TBCK: variants seen among roughly 807,000 people sequenced by gnomAD.
TBCK encodes TBC1 domain containing kinase.
Under a neutral mutation model 113.4 loss-of-function variants are expected in TBCK, and 99 were observed. The observed-to-expected ratio is 0.87, with a 90% CI of 0.74 to 1.03. The LOEUF is 1.03. TBCK is among the 50% of genes least tolerant of loss of function. The pLI is 0.00. For synonymous variants in TBCK, 369 were observed against 370.8 expected, an observed-to-expected ratio of 1.00 and a Z score of 0.05; for missense variants, 1,045 against 1,061.3, an observed-to-expected ratio of 0.98 and a Z score of 0.21.
rs1210203238 is a variant in TBCK, at chr4:106,043,739, G to C, written c.*2831C>G. The C allele has an allele frequency of 8.7e-6, 1 of 114,886 alleles. No individual in the cohort carries two copies. The highest frequency in any genetic ancestry group is 2.6e-4 in the East Asian group (1 of 3,808). The allele number at this position is 114,886 out of a possible 1,614,324, so 7.1% of individuals were successfully genotyped here. A position where few individuals can be genotyped will look rare whatever the true frequency, so the allele number is the denominator to read the frequency against. On this transcript the variant is annotated 3_prime_UTR_variant, in exon 26 of 26. Coordinates refer to ENST00000394708, the MANE Select transcript of TBCK (RefSeq NM_001163435.3). Reference sequence around the variant, plus strand: ...AATAAGTGTGTTTATGAATGTGAGTGTGTGTGTGTGTGTGTGTGTATGTAT... The same window carrying C: ...AATAAGTGTGTTTATGAATGTGAGTCTGTGTGTGTGTGTGTGTGTATGTAT...
chr4:106,287,521 G>C (rs1279877311), intron 3 of TBCK, among the ~76,000 whole-genome samples: 1 of 152,144 alleles, frequency 6.6e-6, no homozygotes, highest in Non-Finnish European at 1.5e-5. Flanking sequence ...ACAGTTAATG[G>C]CTGACCTGTG....
intron 25 of TBCK, among the ~76,000 whole-genome samples, chr4:106,067,982 A>C (rs1736849609): frequency 6.6e-6 from 1 of 152,100 alleles, no homozygotes; most frequent in Non-Finnish European, 1.5e-5. Flanking sequence ...CTAGAAATTT[A>C]ATATGAATTT....
At chr4:106,243,302 C>G (rs1240730540) in intron 11 of TBCK, among the ~76,000 whole-genome samples, 1 of 151,870 alleles carries the variant, frequency 6.6e-6, no homozygotes, top group Non-Finnish European at 1.5e-5. Context: ...TCAATGTGTT[C>G]CCAAGAAACT....
At chr4:106,056,189 CTCT>C (rs965838532) in intron 25 of TBCK, among the ~76,000 whole-genome samples, 5 of 151,310 alleles carry the variant, frequency 3.3e-5, no homozygotes, top group African/African-American at 1.2e-4. Flanking sequence ...CGTTATTCTT[CTCT>C]TCTCTATCTC....
chr4:106,256,185 C>A (rs1348041085), intron 5 of TBCK, among the ~76,000 whole-genome samples: 1 of 152,144 alleles, frequency 6.6e-6, no homozygotes, highest in Non-Finnish European at 1.5e-5. Context: ...GTCCACGGGA[C>A]CTGCAGCCCA....
Position 106,273,460 on chromosome 4 carries a change from T to C in TBCK, c.267-11248A>G, listed in dbSNP as rs147445632. 3.6e-3 allele frequency among the ~76,000 whole-genome samples: 551 copies of C among 152,358 alleles called. 1 individual carries two copies. The highest frequency in any genetic ancestry group is 5.5e-3 in the Non-Finnish European group (372 of 68,030). On this transcript the variant is annotated intron_variant, in intron 3 of 25. Transcript: ENST00000394708. ...ATTTTTAGAGTATGTATCTTTTGTT[T>C]ATTTGCTGGTTAGCTTGTCTGAAAG...
intron 25 of TBCK, among the ~76,000 whole-genome samples, chr4:106,053,320 A>G (rs892230751): frequency 6.6e-6 from 1 of 151,720 alleles, no homozygotes; most frequent in African/African-American, 2.4e-5. Context: ...TCTTATTAAG[A>G]CTGGCAGTAA....
chr4:106,150,149 G>A (rs1748310765), intron 23 of TBCK, among the ~76,000 whole-genome samples: 1 of 152,154 alleles, frequency 6.6e-6, no homozygotes, highest in African/African-American at 2.4e-5. Context: ...AGAGTGAGTA[G>A]GCTGAGATTG....
At position 106,046,597 on chromosome 4, in the gene TBCK, G is replaced by A. The variant is rs1273664767; in HGVS notation, c.2655C>T (p.Leu885=). 2.5e-6 allele frequency: 4 copies of A among 1,608,718 alleles called. No individual in the cohort carries two copies. In the South Asian group the frequency reaches 3.3e-5, roughly 13 times the overall value. Residue 885 remains leucine, a synonymous_variant, in exon 26 of 26, where the codon CTC becomes CTT. Transcript: ENST00000394708. The part of the protein sequence containing the change: ...GGINKIKPTG[L]LTIPSPQI ...ATATTTGAGGAGATGGGATGGTGAG[G>A]AGGCCTGTTGGCTTTATTTTATTAA...
intron 24 of TBCK, among the ~76,000 whole-genome samples, chr4:106,106,503 G>GA (rs940515094): frequency 4.6e-5 from 7 of 151,698 alleles, no homozygotes; most frequent in Non-Finnish European, 8.8e-5. Flanking sequence ...TGTTCTGAAA[G>GA]AAAAAAAATC....
At chr4:106,051,189 A>C (rs1391011939) in intron 25 of TBCK, among the ~76,000 whole-genome samples, 1 of 151,926 alleles carries the variant, frequency 6.6e-6, no homozygotes, top group African/African-American at 2.4e-5. Flanking sequence ...GAACAGAATC[A>C]TGTCTCTCAC....
rs1181979310 is a variant in TBCK, at chr4:106,231,744, T to A, written c.1675A>T (p.Asn559Tyr). The part of the protein sequence containing the change: ...DSLCAPFLYL[N>Y]FNNEALAYAC... ...AGAGGCTTACCTTCATTATTGAAGT[T>A]TAGATATAGGAATGGAGCACAAAGT... is the stretch of plus-strand genomic sequence containing the variant. Residue 559 changes from asparagine (N) to tyrosine (Y), a missense_variant, in exon 18 of 26, where the codon AAC (asparagine) becomes TAC (tyrosine). Asn to Tyr is a moderately radical substitution (Grantham distance 143). Transcript: ENST00000394708. 3.1e-6 allele frequency: 5 copies of A among 1,609,362 alleles called. No homozygotes were observed. Among genetic ancestry groups the A allele is most frequent in the Non-Finnish European group, 4.2e-6 (5 of 1,177,684 alleles).
At chr4:106,144,400 T>C (rs1747515604) in intron 23 of TBCK, among the ~76,000 whole-genome samples, 1 of 152,112 alleles carries the variant, frequency 6.6e-6, no homozygotes, top group Non-Finnish European at 1.5e-5. Flanking sequence ...TGAGGATATG[T>C]TCCCAGACAC....
chr4:106,316,583 C>G (rs549111313), upstream of TBCK: 59 of 1,551,386 alleles, frequency 3.8e-5, no homozygotes, highest in Non-Finnish European at 5.0e-5. Flanking sequence ...AACCCGTGGT[C>G]CTCCGCTTCA....
chr4:106,163,750 A>T (rs1217200972), intron 23 of TBCK: 1 of 152,088 alleles, frequency 6.6e-6, no homozygotes, highest in East Asian at 1.9e-4. Context: ...CCTATTATTC[A>T]ATTACTCCAC....
intron 2 of TBCK, among the ~76,000 whole-genome samples, chr4:106,307,572 G>C (rs1767663667): frequency 6.6e-6 from 1 of 152,032 alleles, no homozygotes; most frequent in Non-Finnish European, 1.5e-5. Context: ...GCATTTATCA[G>C]GGTTTTTAAT....
chr4:106,229,520 C>G lies in TBCK; in HGVS notation c.1774+843G>C, dbSNP rs561792741. ...AGAGACTTTAAGAACAGTGAATGTTCTTGACACCTTTGTTGAAAATGTGTT... is the reference window on the plus strand; with the variant it reads ...AGAGACTTTAAGAACAGTGAATGTTGTTGACACCTTTGTTGAAAATGTGTT... On this transcript the variant is annotated intron_variant, in intron 19 of 25. Coordinates refer to ENST00000394708, the MANE Select transcript of TBCK (RefSeq NM_001163435.3). Among the ~76,000 whole-genome samples, 5 of 152,058 alleles carry G rather than the reference C, an allele frequency of 3.3e-5. No homozygotes were observed. In the East Asian group the frequency reaches 9.7e-4, roughly 29 times the overall value.
chr4:106,101,050 T>C (rs72962600), intron 24 of TBCK, among the ~76,000 whole-genome samples: 4,168 of 152,294 alleles, frequency 0.027, 185 homozygotes, highest in African/African-American at 0.095. Flanking sequence ...TTTCATATTA[T>C]ACTGCAATTA....
intron 11 of TBCK, among the ~76,000 whole-genome samples, chr4:106,243,183 CTT>C (rs1329885402): frequency 6.6e-6 from 1 of 152,012 alleles, no homozygotes; most frequent in Non-Finnish European, 1.5e-5. Context: ...TCAAATATCT[CTT>C]GAGTTGGTAT....
Sources: gnomAD v4.1 joint callset for allele counts (sites outside exome capture counted in the v4.1 genomes callset) on GRCh38, gnomAD v4.1.1 for gene constraint, MANE v1.5 for transcripts, NCBI Gene and HGNC (gene_info 2026-07-23, HGNC 2026-07-21) for gene names.